Variants in SYN3 observed in about 807,000 individuals in gnomAD.
The protein encoded by SYN3 is synapsin III.
In SYN3, 35 loss-of-function variants were observed where a neutral mutation model predicts 65.8. The observed-to-expected ratio is 0.53, with a 90% CI of 0.41 to 0.70. SYN3 has a LOEUF of 0.70. Among genes scored for constraint, SYN3 ranks in the 30% least tolerant of loss-of-function variants. The pLI is 0.00. For missense variants in SYN3, 680 were observed against 749.0 expected (o/e 0.91, Z 1.08); for synonymous variants, 270 against 292.9 (o/e 0.92, Z 0.80).
Position 32,984,979 on chromosome 22 carries a change from G to A in SYN3, c.312-4277C>T, listed in dbSNP as rs367598728. On this transcript the variant is annotated intron_variant, in intron 2 of 13. Coordinates refer to ENST00000358763, the MANE Select transcript of SYN3 (RefSeq NM_003490.4). ...GACAGTAACTACCAGGGAAGGGTGTGGTGAGAAAGTCACATAATCCTCTAT... is the reference window on the plus strand; with the variant it reads ...GACAGTAACTACCAGGGAAGGGTGTAGTGAGAAAGTCACATAATCCTCTAT... Among the ~76,000 whole-genome samples, 7 of 152,264 alleles carry A rather than the reference G, an allele frequency of 4.6e-5. No homozygotes were observed. The East Asian group carries it at 1.2e-3, about 25-fold the overall frequency.
At position 32,507,838 on chromosome 22, in the gene SYN3, C is replaced by G. The variant is rs992874031; in HGVS notation, c.*5854G>C. Among the ~76,000 whole-genome samples, 3 of 152,068 alleles carry G rather than the reference C, an allele frequency of 2.0e-5. No homozygotes were observed. Among genetic ancestry groups the G allele is most frequent in the Non-Finnish European group, 4.4e-5 (3 of 68,032 alleles). On this transcript the variant is annotated 3_prime_UTR_variant, in exon 14 of 14. Coordinates refer to ENST00000358763, the MANE Select transcript of SYN3 (RefSeq NM_003490.4). ...CATATCCAGGCCGTCACCAATCATT[C>G]TACACAACAAATGTTTCTTCTAACA...
intron 3 of SYN3, among the ~76,000 whole-genome samples, chr22:32,953,063 A>G (rs2051338818): frequency 6.6e-6 from 1 of 152,236 alleles, no homozygotes; most frequent in Admixed American, 6.5e-5. Flanking sequence ...TCAAGGTTAT[A>G]CTAATTAATT....
chr22:33,008,773 TA>T (rs201653419), intron 1 of SYN3, among the ~76,000 whole-genome samples: 3 of 150,434 alleles, frequency 2.0e-5, no homozygotes, highest in African/African-American at 7.3e-5. Flanking sequence ...TAATTTTTTT[TA>T]AAAAGCTGGG....
chr22:32,666,788 G>A (rs947196538), intron 6 of SYN3, among the ~76,000 whole-genome samples: 2 of 152,252 alleles, frequency 1.3e-5, no homozygotes, highest in Admixed American at 6.5e-5. Context: ...TTATTTGTCT[G>A]TCTTGATGTA....
intron 1 of SYN3, among the ~76,000 whole-genome samples, chr22:33,054,478 A>G (rs1026634772): frequency 2.6e-5 from 4 of 152,200 alleles, no homozygotes; most frequent in Non-Finnish European, 5.9e-5. Flanking sequence ...CCTCATGATG[A>G]TGTACAAACT....
chr22:32,614,039 T>C (rs931054149), intron 6 of SYN3, among the ~76,000 whole-genome samples: 1 of 152,194 alleles, frequency 6.6e-6, no homozygotes, highest in Non-Finnish European at 1.5e-5. Context: ...CATTTGTGAA[T>C]AGGGCTAAAA....
rs375406168 is a variant in SYN3, at chr22:33,011,455, A to G, written c.-162-4631T>C. On this transcript the variant is annotated intron_variant, in intron 1 of 13. Coordinates refer to ENST00000358763, the MANE Select transcript of SYN3 (RefSeq NM_003490.4). ...GATCATAGTGTATTACCCTTTTTAT[A>G]TATTGGTGGATTCAATCTGATAATA... Among the ~76,000 whole-genome samples, 21 of 152,262 alleles carry G rather than the reference A, an allele frequency of 1.4e-4. No individual in the cohort carries two copies. In the East Asian group the frequency reaches 2.1e-3, roughly 15 times the overall value.
At chr22:32,586,665 C>T (rs546712265) in intron 7 of SYN3, among the ~76,000 whole-genome samples, 1 of 152,182 alleles carries the variant, frequency 6.6e-6, no homozygotes, top group Non-Finnish European at 1.5e-5. Flanking sequence ...TTATTTGACT[C>T]AAATTTTTCA....
intron 6 of SYN3, among the ~76,000 whole-genome samples, chr22:32,727,839 C>T (rs952380063): frequency 2.0e-5 from 3 of 152,176 alleles, no homozygotes; most frequent in East Asian, 1.9e-4. Flanking sequence ...TCATTTTTCT[C>T]ATAAATTTGT....
In SYN3 at chr22:32,512,449, G is replaced by C. The variant is rs899678240; in HGVS notation, c.*1243C>G. On this transcript the variant is annotated 3_prime_UTR_variant, in exon 14 of 14. Transcript: ENST00000358763. ...GTGATTTGGATCACCGCTGAACGCT[G>C]TCTAAGCATGAGAGGCAGACTGGTA... 6.6e-6 allele frequency: 1 copy of C among 152,260 alleles called. No individual in the cohort carries two copies. Among genetic ancestry groups the C allele is most frequent in the Admixed American group, 6.5e-5 (1 of 15,292 alleles). 9.4% of individuals were successfully genotyped at this position (152,260 alleles called of 1,614,324 possible). A position where few individuals can be genotyped will look rare whatever the true frequency, so the allele number is the denominator to read the frequency against.
intron 6 of SYN3, among the ~76,000 whole-genome samples, chr22:32,674,487 A>G (rs2060413981): frequency 6.6e-6 from 1 of 152,218 alleles, no homozygotes; most frequent in Non-Finnish European, 1.5e-5. Context: ...AGTTGCTAGA[A>G]TAATGCCTGA....
intron 4 of SYN3, among the ~76,000 whole-genome samples, chr22:32,912,641 A>G (rs753045131): frequency 1.3e-5 from 2 of 152,102 alleles, no homozygotes; most frequent in Non-Finnish European, 2.9e-5. Context: ...GGATCACTTT[A>G]GCTCAGGAGA....
chr22:32,962,297 G>A (rs745722770), intron 3 of SYN3, among the ~76,000 whole-genome samples: 10 of 151,706 alleles, frequency 6.6e-5, no homozygotes, highest in South Asian at 2.1e-4. Flanking sequence ...CACCTCACCC[G>A]GCTAATTTTT....
intron 4 of SYN3, among the ~76,000 whole-genome samples, chr22:32,899,210 T>C (rs1009528589): frequency 6.6e-6 from 1 of 152,200 alleles, no homozygotes; most frequent in Non-Finnish European, 1.5e-5. Flanking sequence ...GCCTGAATCC[T>C]AGCGGGTGGT....
Position 32,554,215 on chromosome 22 carries a change from TC to T in SYN3, c.775-12503del, listed in dbSNP as rs369661449. On this transcript the variant is annotated intron_variant, in intron 7 of 13. Transcript: ENST00000358763. Reference sequence around the variant, plus strand: ...GCCTCAGTGACTTTGCACTTGCTGTTCCTGCTGCTTGGAACAATTTTCCTGA... The same window carrying T: ...GCCTCAGTGACTTTGCACTTGCTGTTCTGCTGCTTGGAACAATTTTCCTGA... Among the ~76,000 whole-genome samples the T allele has an allele frequency of 4.6e-5, 7 of 152,266 alleles. No homozygotes were observed. The East Asian group carries it at 9.7e-4, about 21-fold the overall frequency.
chr22:32,652,560 A>C (rs950026228), intron 6 of SYN3, among the ~76,000 whole-genome samples: 1 of 152,038 alleles, frequency 6.6e-6, no homozygotes, highest in African/African-American at 2.4e-5. Flanking sequence ...GATTTATATA[A>C]AAATCTAATT....
Position 32,801,248 on chromosome 22 carries a change from C to G in SYN3, c.711+63667G>C, listed in dbSNP as rs751880846. On this transcript the variant is annotated intron_variant, in intron 6 of 13. Transcript: ENST00000358763. This position sits in a 1 kb window ranked among gnomAD's most constrained non-coding sequence, Gnocchi z 4.7. ...CTCTCCAGAGAAACTGGAGGGGTAG[C>G]AGTTAGCATTCCCCCGCTGGTTCCA... Among the ~76,000 whole-genome samples the G allele has an allele frequency of 1.3e-5, 2 of 152,244 alleles. No individual in the cohort carries two copies. The highest frequency in any genetic ancestry group is 2.4e-5 in the African/African-American group (1 of 41,468).
At chr22:32,591,888 G>T (rs1324820165) in intron 7 of SYN3, among the ~76,000 whole-genome samples, 1 of 152,150 alleles carries the variant, frequency 6.6e-6, no homozygotes, top group Non-Finnish European at 1.5e-5. Flanking sequence ...AATCATCACT[G>T]CGTCCAGCAC....
intron 6 of SYN3, among the ~76,000 whole-genome samples, chr22:32,854,874 A>T (rs2048322214): frequency 6.6e-6 from 1 of 152,166 alleles, no homozygotes; most frequent in African/African-American, 2.4e-5. Context: ...AGGGGCGCCC[A>T]AACTCAGTAG....
Sources: gnomAD v4.1 joint callset for allele counts (sites outside exome capture counted in the v4.1 genomes callset) on GRCh38, gnomAD v4.1.1 for gene constraint, Gnocchi (gnomAD v3.1) non-coding constraint, MANE v1.5 for transcripts, NCBI Gene and HGNC (gene_info 2026-07-23, HGNC 2026-07-21) for gene names.